GNG12: variants seen among roughly 807,000 people sequenced by gnomAD.
The protein encoded by GNG12 is G protein subunit gamma 12, also known as guanine nucleotide-binding protein G(I)/G(S)/G(O) subunit gamma-12.
For synonymous variants in GNG12, 28 were observed against 29.7 expected, an observed-to-expected ratio of 0.94 and a Z score of 0.19; for missense variants, 69 against 83.8, an observed-to-expected ratio of 0.82 and a Z score of 0.69.
At chr1:67,740,255 C>T (rs965422036) in intron 2 of GNG12, among the ~76,000 whole-genome samples, 1 of 152,240 alleles carries the variant, frequency 6.6e-6, no homozygotes, top group Non-Finnish European at 1.5e-5. Context: ...TATGAATACT[C>T]TTACCACTGT....
chr1:67,803,909 T>C (rs1646880609), intron 1 of GNG12, among the ~76,000 whole-genome samples: 1 of 152,146 alleles, frequency 6.6e-6, no homozygotes, highest in South Asian at 2.1e-4. Context: ...GCCCACGTTA[T>C]TTGAATGAAA....
chr1:67,808,389 G>C (rs931235590), intron 1 of GNG12, among the ~76,000 whole-genome samples: 2 of 151,954 alleles, frequency 1.3e-5, no homozygotes, highest in African/African-American at 4.8e-5. Context: ...TCTATGACTA[G>C]GAAAAAGGCC....
chr1:67,753,559 G>A (rs571745655), intron 2 of GNG12, among the ~76,000 whole-genome samples: 55 of 152,240 alleles, frequency 3.6e-4, no homozygotes, highest in African/African-American at 1.2e-3. Context: ...GGGCAGCCCC[G>A]ATACCTTCCA....
chr1:67,758,602 T>C (rs903187785), intron 2 of GNG12, among the ~76,000 whole-genome samples: 2 of 152,170 alleles, frequency 1.3e-5, no homozygotes, highest in African/African-American at 2.4e-5. Flanking sequence ...GCTGGGCTCA[T>C]CCCTGGTAAC....
intron 1 of GNG12, among the ~76,000 whole-genome samples, chr1:67,818,424 T>TTTG (rs1553160792): frequency 6.8e-6 from 1 of 147,820 alleles, no homozygotes; most frequent in African/African-American, 2.5e-5. Context: ...TTTTTTTTTT[T>TTTG]TTTTTTTTTT....
At chr1:67,797,735 T>C (rs966172103) in intron 1 of GNG12, among the ~76,000 whole-genome samples, 5 of 151,982 alleles carry the variant, frequency 3.3e-5, no homozygotes, top group African/African-American at 1.2e-4. Flanking sequence ...ATGGAAAAAA[T>C]AACCATCAGT....
Position 67,703,309 on chromosome 1 carries a change from T to C in GNG12, c.*2142A>G, listed in dbSNP as rs183970601. On this transcript the variant is annotated 3_prime_UTR_variant, in exon 4 of 4. Coordinates refer to ENST00000370982, the MANE Select transcript of GNG12 (RefSeq NM_018841.6). ...TATATCAAAACATACTTGTTTACTG[T>C]TAGGTAAAAGAGCATGTTTCAGTAC... is the stretch of plus-strand genomic sequence containing the variant. The C allele has an allele frequency of 6.6e-6, 1 of 152,174 alleles. No individual in the cohort carries two copies. The highest frequency in any genetic ancestry group is 6.5e-5 in the Admixed American group (1 of 15,272). 9.4% of individuals were successfully genotyped at this position (152,174 alleles called of 1,614,324 possible). A position where few individuals can be genotyped will look rare whatever the true frequency, so the allele number is the denominator to read the frequency against.
In GNG12 at chr1:67,819,525, C is replaced by T. The variant is rs12133270; in HGVS notation, c.-77+13819G>A. Reference sequence around the variant, plus strand: ...GTTTAAAAAGCAGCAGTTCCAAAACCCTAAACTTTCCTCCCTTCAAAAATA... The same window carrying T: ...GTTTAAAAAGCAGCAGTTCCAAAACTCTAAACTTTCCTCCCTTCAAAAATA... On this transcript the variant is annotated intron_variant, in intron 1 of 3. Transcript: ENST00000370982. Among the ~76,000 whole-genome samples, 728 of 152,252 alleles carry T rather than the reference C, an allele frequency of 4.8e-3. 2 individuals are homozygous for T. Among genetic ancestry groups the T allele is most frequent in the Admixed American group, 7.2e-3 (110 of 15,298 alleles).
chr1:67,782,525 C>G (rs1247155051), intron 1 of GNG12, among the ~76,000 whole-genome samples: 3 of 152,102 alleles, frequency 2.0e-5, no homozygotes, highest in African/African-American at 4.8e-5. Flanking sequence ...TTCTTTTTAC[C>G]TGGTTACTGT....
chr1:67,800,143 C>T (rs1008380157), intron 1 of GNG12, among the ~76,000 whole-genome samples: 2 of 152,066 alleles, frequency 1.3e-5, no homozygotes, highest in African/African-American at 4.8e-5. Flanking sequence ...GAACTTTAAC[C>T]CATGCAGAGT....
At chr1:67,712,893 T>TAAAAATAA (rs1343123586) in intron 2 of GNG12, among the ~76,000 whole-genome samples, 1 of 151,570 alleles carries the variant, frequency 6.6e-6, no homozygotes, top group Non-Finnish European at 1.5e-5. Context: ...CAAGCCTGGC[T>TAAAAATAA]AATTTTTGTA....
chr1:67,767,541 G>A (rs1321174984), intron 2 of GNG12, among the ~76,000 whole-genome samples: 2 of 152,174 alleles, frequency 1.3e-5, no homozygotes, highest in Admixed American at 1.3e-4. Flanking sequence ...GGAAGGTTAT[G>A]CAACCCTCCT....
At chr1:67,714,503 T>C (rs918526278) in intron 2 of GNG12, among the ~76,000 whole-genome samples, 5 of 152,168 alleles carry the variant, frequency 3.3e-5, no homozygotes, top group Non-Finnish European at 7.4e-5. Flanking sequence ...ATAAAATAAG[T>C]ATGTGAGTGT....
intron 3 of GNG12, among the ~76,000 whole-genome samples, chr1:67,706,402 G>A (rs1282488707): frequency 6.6e-6 from 1 of 152,180 alleles, no homozygotes; most frequent in Non-Finnish European, 1.5e-5. Context: ...TAAAAAGAGA[G>A]ACGAAACCAG....
chr1:67,744,874 AT>A (rs1646500114), intron 2 of GNG12, among the ~76,000 whole-genome samples: 1 of 152,166 alleles, frequency 6.6e-6, no homozygotes, highest in Non-Finnish European at 1.5e-5. Context: ...ATGTGATCCT[AT>A]TTAAAACTAC....
Position 67,707,712 on chromosome 1 carries a change from T to G in GNG12, c.-26A>C. On this transcript the variant is annotated splice_region_variant and 5_prime_UTR_variant, in exon 3 of 4. Coordinates refer to ENST00000370982, the MANE Select transcript of GNG12 (RefSeq NM_018841.6). ...CTTCAATTATTGTTTTTACCTGAAA[T>G]CTGAGGAGAATTTTTTTTAAAGACA... is the stretch of plus-strand genomic sequence containing the variant. 2 of 1,524,680 alleles carry G rather than the reference T, an allele frequency of 1.3e-6. No homozygotes were observed. Among genetic ancestry groups the G allele is most frequent in the Non-Finnish European group, 1.8e-6 (2 of 1,123,382 alleles). 94.4% of individuals were successfully genotyped at this position (1,524,680 alleles called of 1,614,324 possible).
intron 2 of GNG12, among the ~76,000 whole-genome samples, chr1:67,729,785 G>C (rs192465079): frequency 1.9e-4 from 29 of 152,310 alleles, no homozygotes; most frequent in African/African-American, 7.0e-4. Context: ...CAGCCTCCAA[G>C]GGGGCTCCGT....
At chr1:67,808,526 G>A (rs1443875228) in intron 1 of GNG12, among the ~76,000 whole-genome samples, 1 of 152,028 alleles carries the variant, frequency 6.6e-6, no homozygotes, top group African/African-American at 2.4e-5. Context: ...TTTCAAAGAT[G>A]ACATGAACAT....
intron 1 of GNG12, among the ~76,000 whole-genome samples, chr1:67,799,536 G>A (rs1646852319): frequency 6.6e-6 from 1 of 152,132 alleles, no homozygotes; most frequent in Non-Finnish European, 1.5e-5. Flanking sequence ...AACTTTGCTA[G>A]AGGACTTAGT....
Sources: gnomAD v4.1 joint callset for allele counts (sites outside exome capture counted in the v4.1 genomes callset) on GRCh38, gnomAD v4.1.1 for gene constraint, MANE v1.5 for transcripts, NCBI Gene and HGNC (gene_info 2026-07-23, HGNC 2026-07-21) for gene names.